Variants in ERP44 observed in about 807,000 individuals in gnomAD.
ERP44 encodes the protein endoplasmic reticulum protein 44.
A neutral mutation model predicts 53.4 loss-of-function variants in ERP44; 25 were observed. The ratio of observed to expected loss-of-function variants is 0.47; its 90% CI spans 0.34 to 0.65. ERP44 has a LOEUF of 0.65. ERP44 is among the 30% of genes least tolerant of loss of function. The pLI is 0.01. For missense variants in ERP44, 338 were observed against 493.2 expected (o/e 0.69, Z 2.98); for synonymous variants, 145 against 161.2 (o/e 0.90, Z 0.76).
intron 1 of ERP44, among the ~76,000 whole-genome samples, chr9:100,093,655 A>AGGG: frequency 6.6e-6 from 1 of 152,206 alleles, no homozygotes; most frequent in African/African-American, 2.4e-5. Flanking sequence ...GGGGGGGAAA[A>AGGG]AAAAAGAACT....
intron 10 of ERP44, among the ~76,000 whole-genome samples, chr9:100,005,602 A>G (rs986638988): frequency 5.3e-5 from 8 of 152,188 alleles, no homozygotes; most frequent in Non-Finnish European, 1.0e-4. Context: ...CATTTTTTAT[A>G]TACGAAGAAA....
At chr9:100,017,432 GAGAT>G (rs2118647862) in intron 7 of ERP44, among the ~76,000 whole-genome samples, 1 of 152,274 alleles carries the variant, frequency 6.6e-6, no homozygotes, top group South Asian at 2.1e-4. Flanking sequence ...CTACCACTGA[GAGAT>G]AGGTACTGGA....
chr9:100,077,985 C>A (rs558668426), intron 1 of ERP44, among the ~76,000 whole-genome samples: 4 of 152,264 alleles, frequency 2.6e-5, no homozygotes, highest in East Asian at 3.9e-4. Flanking sequence ...GGAAAAAAAA[C>A]CACAACCTGC....
intron 1 of ERP44, 136 bp from the exon 2 acceptor site, chr9:100,060,308 T>C (rs903208280): frequency 2.2e-5 from 22 of 986,880 alleles, no homozygotes; most frequent in Non-Finnish European, 2.8e-5. Context: ...ATCTTTATTA[T>C]CTAGTCTAAT....
At chr9:99,998,950 C>T in intron 10 of ERP44, 1 of 1,571,766 alleles carries the variant, frequency 6.4e-7, no homozygotes, top group Non-Finnish European at 8.7e-7. Flanking sequence ...CAGTAGGTTT[C>T]TAAAAAGTTT....
chr9:100,020,523 G>A, intron 6 of ERP44, 93 bp downstream of exon 6: 1 of 670,844 alleles, frequency 1.5e-6, no homozygotes, highest in Non-Finnish European at 2.7e-6. Flanking sequence ...GATCATTTTT[G>A]GAAAGATCAT....
intron 1 of ERP44, 33 bp downstream of exon 1, chr9:100,098,751 G>GT: frequency 6.3e-7 from 1 of 1,596,778 alleles, no homozygotes; most frequent in Non-Finnish European, 8.6e-7. Flanking sequence ...CCGTTCGTGC[G>GT]TTTGTCGATG....
chr9:100,029,213 T>C (rs1162706029), intron 4 of ERP44, among the ~76,000 whole-genome samples: 1 of 151,532 alleles, frequency 6.6e-6, no homozygotes, highest in Non-Finnish European at 1.5e-5. Context: ...AAAGCTTCTG[T>C]AGGGCAAGGG....
chr9:99,996,828 A>G (rs560989194), intron 10 of ERP44, among the ~76,000 whole-genome samples: 3 of 133,028 alleles, frequency 2.3e-5, no homozygotes, highest in South Asian at 2.5e-4. Context: ...ATAGTCTCCA[A>G]TCTCATCCAG....
At chr9:100,001,170 T>C (rs1436732974) in intron 10 of ERP44, among the ~76,000 whole-genome samples, 2 of 152,222 alleles carry the variant, frequency 1.3e-5, no homozygotes, top group Admixed American at 1.3e-4. Context: ...CTCCCAGTTA[T>C]TGATTTCTAG....
At chr9:100,064,901 C>T (rs879218042) in intron 1 of ERP44, among the ~76,000 whole-genome samples, 3 of 152,086 alleles carry the variant, frequency 2.0e-5, no homozygotes, top group Non-Finnish European at 2.9e-5. Flanking sequence ...AGCTATGTAA[C>T]GTGTTGGTAT....
chr9:100,080,491 A>G (rs1826410851), intron 1 of ERP44, among the ~76,000 whole-genome samples: 1 of 152,210 alleles, frequency 6.6e-6, no homozygotes, highest in Non-Finnish European at 1.5e-5. Flanking sequence ...TAAGGCCTGA[A>G]GGAAATTCAA....
At chr9:100,039,919 G>A (rs1825884622) in intron 4 of ERP44, among the ~76,000 whole-genome samples, 1 of 152,014 alleles carries the variant, frequency 6.6e-6, no homozygotes, top group Non-Finnish European at 1.5e-5. Flanking sequence ...GGAAAATCTA[G>A]AAGAAACTGA....
chr9:100,066,404 T>C (rs915591014), intron 1 of ERP44, among the ~76,000 whole-genome samples: 2 of 152,240 alleles, frequency 1.3e-5, no homozygotes, highest in Non-Finnish European at 2.9e-5. Flanking sequence ...TGTCATAAAA[T>C]AGAAGCTTCA....
At chr9:100,048,113 C>A (rs532544274) in intron 4 of ERP44, among the ~76,000 whole-genome samples, 16 of 152,056 alleles carry the variant, frequency 1.1e-4, no homozygotes, top group Admixed American at 9.2e-4. Context: ...CAGAGTCACA[C>A]ACACCGTAGT....
chr9:100,091,896 G>T (rs1826561411), intron 1 of ERP44, among the ~76,000 whole-genome samples: 2 of 152,174 alleles, frequency 1.3e-5, no homozygotes, highest in African/African-American at 4.8e-5. Context: ...CTTCTGAGTA[G>T]CAGGATCTAT....
intron 1 of ERP44, among the ~76,000 whole-genome samples, chr9:100,093,918 T>C (rs1826593083): frequency 6.6e-6 from 1 of 152,234 alleles, no homozygotes; most frequent in South Asian, 2.1e-4. Context: ...ACTATTACAT[T>C]GTTGGTGAGG....
At chr9:100,063,546 A>T (rs1316008141) in intron 1 of ERP44, among the ~76,000 whole-genome samples, 1 of 152,206 alleles carries the variant, frequency 6.6e-6, no homozygotes, top group African/African-American at 2.4e-5. Flanking sequence ...TAAGTAAAAT[A>T]AAGTATGACT....
chr9:100,028,036 A>G (rs1264678299), intron 4 of ERP44, among the ~76,000 whole-genome samples: 1 of 152,224 alleles, frequency 6.6e-6, no homozygotes, highest in East Asian at 1.9e-4. Flanking sequence ...TGTTCTATGC[A>G]CATAAAGTCT....
Sources: allele counts gnomAD v4.1 joint callset (sites outside exome capture counted in the v4.1 genomes callset), GRCh38; gene constraint gnomAD v4.1.1; transcripts MANE v1.5; gene names NCBI Gene and HGNC (gene_info 2026-07-23, HGNC 2026-07-21).